Variants in ZNF804A observed in about 807,000 individuals in gnomAD.
ZNF804A encodes zinc finger protein 804A.
Under a neutral mutation model 16.5 loss-of-function variants are expected in ZNF804A, and 2 were observed. The observed-to-expected ratio is 0.12, with a 90% CI of 0.05 to 0.38. The LOEUF is 0.38. Among genes scored for constraint, ZNF804A ranks in the 10% least tolerant of loss-of-function variants. The pLI, the probability that ZNF804A is intolerant of heterozygous loss-of-function variation, is 0.99. For synonymous variants in ZNF804A, 534 were observed against 489.6 expected (o/e 1.09, Z -1.20); for missense variants, 1,473 against 1,390.7 (o/e 1.06, Z -0.94).
At chr2:184,805,305 T>A (rs1331446572) in intron 1 of ZNF804A, among the ~76,000 whole-genome samples, 6 of 152,158 alleles carry the variant, frequency 3.9e-5, no homozygotes, top group Non-Finnish European at 5.9e-5. Flanking sequence ...TAAGATATCT[T>A]AATATTTCTA....
intron 1 of ZNF804A, among the ~76,000 whole-genome samples, chr2:184,815,203 T>C (rs1465216039): frequency 6.6e-6 from 1 of 151,958 alleles, no homozygotes; most frequent in East Asian, 1.9e-4. Flanking sequence ...ACAGATTAAG[T>C]AATCATCCAC....
chr2:184,693,039 G>A (rs1692758884), intron 1 of ZNF804A, among the ~76,000 whole-genome samples: 3 of 152,058 alleles, frequency 2.0e-5, no homozygotes, highest in Non-Finnish European at 4.4e-5. Context: ...TTTCAATTGT[G>A]ATACTACAAA....
chr2:184,609,002 T>C (rs1388114451), intron 1 of ZNF804A, among the ~76,000 whole-genome samples: 1 of 152,184 alleles, frequency 6.6e-6, no homozygotes, highest in Admixed American at 6.5e-5. Flanking sequence ...TACAGAATTT[T>C]TTTGATAATA....
At chr2:184,849,520 A>C (rs1045063748) in intron 1 of ZNF804A, among the ~76,000 whole-genome samples, 2 of 152,102 alleles carry the variant, frequency 1.3e-5, no homozygotes, top group Non-Finnish European at 2.9e-5. Context: ...ACTGTAAATC[A>C]AAACCACAAG....
chr2:184,870,672 A>G (rs2105813199), intron 2 of ZNF804A, among the ~76,000 whole-genome samples: 2 of 152,184 alleles, frequency 1.3e-5, no homozygotes, highest in South Asian at 4.1e-4. Context: ...AAGTGTAAAA[A>G]GGCTAGTGTC....
chr2:184,742,169 G>A (rs867202753), intron 1 of ZNF804A, among the ~76,000 whole-genome samples: 2 of 151,684 alleles, frequency 1.3e-5, no homozygotes, highest in South Asian at 2.1e-4. Flanking sequence ...ATTTAGTCTC[G>A]GATATGGTGT....
At position 184,724,894 on chromosome 2, in the gene ZNF804A, A is replaced by G. The variant is rs1369311908; in HGVS notation, c.111+125824A>G. Among the ~76,000 whole-genome samples the G allele has an allele frequency of 9.2e-5, 14 of 151,920 alleles. No individual in the cohort carries two copies. In the South Asian group the frequency reaches 2.3e-3, roughly 25 times the overall value. On this transcript the variant is annotated intron_variant, in intron 1 of 3. Coordinates refer to ENST00000302277, the MANE Select transcript of ZNF804A (RefSeq NM_194250.2). ...GGAAAGGCTTAGTTAGAGAGATGAA[A>G]TAATGTGGTAATTTTAAGGCAGTAG...
At chr2:184,724,789 G>C (rs1003435100) in intron 1 of ZNF804A, among the ~76,000 whole-genome samples, 2 of 151,574 alleles carry the variant, frequency 1.3e-5, no homozygotes, top group Non-Finnish European at 3.0e-5. Context: ...TTGCAGGAAC[G>C]ACACAAAAAA....
intron 1 of ZNF804A, among the ~76,000 whole-genome samples, chr2:184,857,070 A>G (rs1205798487): frequency 1.3e-5 from 2 of 151,822 alleles, no homozygotes; most frequent in African/African-American, 2.4e-5. Flanking sequence ...TATGTTGTTT[A>G]TTTGACATCT....
intron 1 of ZNF804A, among the ~76,000 whole-genome samples, chr2:184,667,332 A>G (rs187320581): frequency 6.8e-4 from 104 of 151,986 alleles, no homozygotes; most frequent in Non-Finnish European, 1.1e-3. Context: ...CATCTCATAA[A>G]CATTCTGCAT....
chr2:184,697,206 A>AT (rs1352482531), intron 1 of ZNF804A, among the ~76,000 whole-genome samples: 1 of 151,978 alleles, frequency 6.6e-6, no homozygotes, highest in Non-Finnish European at 1.5e-5. Flanking sequence ...CTTAACAGTG[A>AT]TTTAAGAGGT....
chr2:184,640,077 T>A lies in ZNF804A; in HGVS notation c.111+41007T>A, dbSNP rs546534543. ...CAAGGTAACTCAGTACACATATAAA[T>A]CTAGCCTTGATAATTCTATACTTTG... On this transcript the variant is annotated intron_variant, in intron 1 of 3. Coordinates refer to ENST00000302277, the MANE Select transcript of ZNF804A (RefSeq NM_194250.2). Among the ~76,000 whole-genome samples the A allele has an allele frequency of 2.9e-4, 44 of 151,924 alleles. No individual in the cohort carries two copies. In the East Asian group the frequency reaches 7.5e-3, roughly 26 times the overall value.
At chr2:184,907,538 C>G (rs530740113) in intron 2 of ZNF804A, among the ~76,000 whole-genome samples, 1 of 152,128 alleles carries the variant, frequency 6.6e-6, no homozygotes, top group South Asian at 2.1e-4. Flanking sequence ...TCCATCACTT[C>G]GCCTCTGTAG....
At position 184,746,942 on chromosome 2, in the gene ZNF804A, A is replaced by C. The variant is rs117721323; in HGVS notation, c.112-119427A>C. On this transcript the variant is annotated intron_variant, in intron 1 of 3. Transcript: ENST00000302277. ...TATTTTTGAGAAATCAAACTGAGAG[A>C]GTTTTCAGTTCATTTCAGACAATCG... 3.3e-3 allele frequency among the ~76,000 whole-genome samples: 496 copies of C among 151,504 alleles called. 23 individuals carry two copies. In the East Asian group the frequency reaches 0.083, roughly 25 times the overall value.
chr2:184,624,256 T>C (rs1192961361), intron 1 of ZNF804A, among the ~76,000 whole-genome samples: 2 of 152,044 alleles, frequency 1.3e-5, no homozygotes, highest in Non-Finnish European at 2.9e-5. Context: ...ACACTTAAAA[T>C]GGTAAAAATG....
rs1406288543 is a variant in ZNF804A at position 184,598,537 on chromosome 2, G to T, written c.-423G>T. ...TGCCTGCCAGCAGCAGCAACTCCGA[G>T]TGCAGGCGCCGAGCGCGGGGGATGC... On this transcript the variant is annotated 5_prime_UTR_variant, in exon 1 of 4. Transcript: ENST00000302277. 1 of 155,124 alleles carries T rather than the reference G, an allele frequency of 6.4e-6. No individual in the cohort carries two copies. The highest frequency in any genetic ancestry group is 1.9e-4 in the East Asian group (1 of 5,334). 9.6% of individuals were successfully genotyped at this position (155,124 alleles called of 1,614,324 possible). A position where few individuals can be genotyped will look rare whatever the true frequency, so the allele number is the denominator to read the frequency against.
intron 2 of ZNF804A, among the ~76,000 whole-genome samples, chr2:184,910,854 C>G (rs62198462): frequency 6.6e-6 from 1 of 151,848 alleles, no homozygotes; most frequent in African/African-American, 2.4e-5. Flanking sequence ...TGTTCAAGTT[C>G]CTAATAGATT....
chr2:184,600,552 T>C (rs1339165089), intron 1 of ZNF804A, among the ~76,000 whole-genome samples: 1 of 152,168 alleles, frequency 6.6e-6, no homozygotes, highest in East Asian at 1.9e-4. Flanking sequence ...AGGTAAAATT[T>C]TGGGGGAAAA....
In ZNF804A at chr2:184,601,189, T is replaced by C. The variant is rs141255984; in HGVS notation, c.111+2119T>C. Among the ~76,000 whole-genome samples, 41 of 152,210 alleles carry C rather than the reference T, an allele frequency of 2.7e-4. No individual in the cohort carries two copies. In the East Asian group the frequency reaches 6.8e-3, roughly 25 times the overall value. On this transcript the variant is annotated intron_variant, in intron 1 of 3. Coordinates refer to ENST00000302277, the MANE Select transcript of ZNF804A (RefSeq NM_194250.2). ...TGCTTTACAAGATAATATATTCATC[T>C]ACTATATGTGCTTTCTAGCCTTCTC...
Sources: gnomAD v4.1 joint callset for allele counts (sites outside exome capture counted in the v4.1 genomes callset) on GRCh38, gnomAD v4.1.1 for gene constraint, MANE v1.5 for transcripts, NCBI Gene and HGNC (gene_info 2026-07-23, HGNC 2026-07-21) for gene names.